Variants in CNST observed in about 807,000 individuals in gnomAD.
CNST encodes consortin, connexin sorting protein.
A neutral mutation model predicts 72.4 loss-of-function variants in CNST; 39 were observed. That is an observed-to-expected ratio of 0.54 (90% CI 0.42 to 0.70). The LOEUF is 0.70. Among genes scored for constraint, CNST ranks in the 30% least tolerant of loss-of-function variants. CNST has a pLI of 0.00. For missense variants in CNST, 871 were observed against 868.5 expected (o/e 1.00, Z -0.04); for synonymous variants, 332 against 320.1 (o/e 1.04, Z -0.40).
intron 2 of CNST, among the ~76,000 whole-genome samples, chr1:246,592,980 C>A (rs982735231): frequency 6.6e-6 from 1 of 152,130 alleles, no homozygotes; most frequent in Admixed American, 6.6e-5. Flanking sequence ...AGACTGGATT[C>A]CTTAGTGTAG....
At chr1:246,584,682 G>C (rs773448577) in intron 1 of CNST, among the ~76,000 whole-genome samples, 1 of 152,204 alleles carries the variant, frequency 6.6e-6, no homozygotes, top group East Asian at 1.9e-4. Context: ...TCAGTAGACC[G>C]TCCCGGCAGC....
chr1:246,624,847 T>C (rs1238825005), intron 3 of CNST, among the ~76,000 whole-genome samples: 6 of 152,144 alleles, frequency 3.9e-5, no homozygotes, highest in Admixed American at 6.5e-5. Context: ...AGAGATGGGG[T>C]TTCACCATGT....
intron 2 of CNST, among the ~76,000 whole-genome samples, chr1:246,612,230 T>G (rs907024580): frequency 2.6e-5 from 4 of 152,220 alleles, no homozygotes; most frequent in African/African-American, 9.6e-5. Context: ...AGACAGGGTT[T>G]TGCATTTGTT....
At position 246,591,876 on chromosome 1, in the gene CNST, A is replaced by T; in HGVS notation, c.314A>T (p.Asp105Val). The T allele has an allele frequency of 6.2e-7, 1 of 1,614,124 alleles. No individual in the cohort carries two copies. The highest frequency in any genetic ancestry group is 8.5e-7 in the Non-Finnish European group (1 of 1,180,018). ...SRDEQAFLGKDKKIPGKRSPR... is the reference protein window; with the variant it reads ...SRDEQAFLGKVKKIPGKRSPR... The stretch of plus-strand genomic sequence containing the variant: ...GATGAACAGGCCTTCTTGGGAAAGG[A>T]CAAAAAAATTCCTGGAAAAAGAAGT... Residue 105 changes from aspartate to valine, a missense_variant, in exon 2 of 11, where the codon GAC becomes GTC. Asp to Val is a radical substitution (Grantham distance 152, BLOSUM62 -3). Transcript: ENST00000366513.
At chr1:246,618,946 A>G (rs932863206) in intron 2 of CNST, among the ~76,000 whole-genome samples, 6 of 152,150 alleles carry the variant, frequency 3.9e-5, no homozygotes, top group Non-Finnish European at 7.3e-5. Flanking sequence ...TTCTTTGGCA[A>G]TAGTCTTCAA....
chr1:246,593,969 C>T (rs1404095543), intron 2 of CNST, among the ~76,000 whole-genome samples: 1 of 152,136 alleles, frequency 6.6e-6, no homozygotes, highest in East Asian at 1.9e-4. Flanking sequence ...AAGAATCTCG[C>T]ACTGTTGCCC....
At chr1:246,585,350 CAT>C (rs947268393) in intron 1 of CNST, among the ~76,000 whole-genome samples, 3 of 152,026 alleles carry the variant, frequency 2.0e-5, no homozygotes, top group Non-Finnish European at 2.9e-5. Flanking sequence ...TGTTTTTGCA[CAT>C]GTTTAAAATG....
At chr1:246,603,887 CACTGA>C (rs1662487618) in intron 2 of CNST, among the ~76,000 whole-genome samples, 1 of 152,012 alleles carries the variant, frequency 6.6e-6, no homozygotes, top group East Asian at 1.9e-4. Flanking sequence ...GAAGTAAAGC[CACTGA>C]ATTATGTGTT....
At chr1:246,636,136 A>C (rs1665217776) in intron 6 of CNST, among the ~76,000 whole-genome samples, 1 of 152,104 alleles carries the variant, frequency 6.6e-6, no homozygotes, top group Non-Finnish European at 1.5e-5. Flanking sequence ...TTTTGACAAG[A>C]CACAATTGAG....
intron 1 of CNST, among the ~76,000 whole-genome samples, chr1:246,588,905 G>T (rs1232885516): frequency 1.3e-5 from 2 of 151,948 alleles, no homozygotes; most frequent in African/African-American, 4.8e-5. Context: ...GAGTTTTTCA[G>T]TAACTGAATT....
intron 9 of CNST, chr1:246,648,329 C>G: frequency 1.4e-6 from 1 of 719,622 alleles, no homozygotes; most frequent in South Asian, 5.0e-5. Context: ...TGTGGCAGTT[C>G]CAGATATTGG....
At chr1:246,658,977 T>C (rs1238786914) in intron 9 of CNST, among the ~76,000 whole-genome samples, 1 of 152,134 alleles carries the variant, frequency 6.6e-6, no homozygotes, top group Non-Finnish European at 1.5e-5. Flanking sequence ...GGGTTTTTGG[T>C]TTTGTTTCTA....
In CNST at chr1:246,663,336, T is replaced by TAAA. The variant is rs768843517; in HGVS notation, c.1973-2350_1973-2348dup. Among the ~76,000 whole-genome samples, 691 of 116,524 alleles carry TAAA rather than the reference T, an allele frequency of 5.9e-3. 7 individuals carry two copies. The highest frequency in any genetic ancestry group is 0.021 in the African/African-American group (670 of 31,962). The allele number at this position is 116,524 out of a possible 152,430, so 76.4% of individuals were successfully genotyped here. Reference sequence around the variant, plus strand: ...TGGTGACAGAGCACAACCCTATGTCTAAAAAAAAAAAAAAAAGAAAGACAA... The same window carrying TAAA: ...TGGTGACAGAGCACAACCCTATGTCTAAAAAAAAAAAAAAAAAAAGAAAGACAA... On this transcript the variant is annotated intron_variant, in intron 10 of 10. Transcript: ENST00000366513.
chr1:246,626,078 T>A (rs78956185), intron 3 of CNST, among the ~76,000 whole-genome samples: 3 of 150,644 alleles, frequency 2.0e-5, no homozygotes, highest in African/African-American at 5.0e-5. Context: ...TTTTTTTTTT[T>A]CCCACTCTGT....
intron 2 of CNST, among the ~76,000 whole-genome samples, chr1:246,608,301 C>G (rs982069485): frequency 2.6e-5 from 4 of 152,202 alleles, no homozygotes; most frequent in African/African-American, 4.8e-5. Context: ...GATCCTGCCA[C>G]TGTACTGTAG....
At chr1:246,621,742 C>G in intron 3 of CNST, 108 bp downstream of exon 3, 2 of 973,592 alleles carry the variant, frequency 2.1e-6, no homozygotes, top group Non-Finnish European at 3.2e-6. Context: ...TGCCTGTAAT[C>G]CCAGCATTTT....
intron 2 of CNST, among the ~76,000 whole-genome samples, chr1:246,602,879 T>C (rs772082098): frequency 3.0e-5 from 4 of 131,778 alleles, no homozygotes; most frequent in Non-Finnish European, 4.9e-5. Flanking sequence ...CCCAGTTAGA[T>C]AGTTTTCTTT....
chr1:246,618,087 T>C (rs1393751100), intron 2 of CNST, among the ~76,000 whole-genome samples: 7 of 152,192 alleles, frequency 4.6e-5, no homozygotes, highest in Non-Finnish European at 8.8e-5. Context: ...AGAAAGGAAC[T>C]AGAAGATACT....
chr1:246,622,287 A>G (rs1664144941), intron 3 of CNST, among the ~76,000 whole-genome samples: 1 of 152,204 alleles, frequency 6.6e-6, no homozygotes, highest in African/African-American at 2.4e-5. Flanking sequence ...CCCGTAAGAG[A>G]GCCCCTGCAG....
Sources: allele counts gnomAD v4.1 joint callset (sites outside exome capture counted in the v4.1 genomes callset), GRCh38; gene constraint gnomAD v4.1.1; transcripts MANE v1.5; gene names NCBI Gene and HGNC (gene_info 2026-07-23, HGNC 2026-07-21).